Variants in NPIPB2 observed in about 807,000 individuals in gnomAD.
The protein encoded by NPIPB2 is nuclear pore complex-interacting protein family member B2.
In NPIPB2, 27 loss-of-function variants were observed where a neutral mutation model predicts 30.8. That is an observed-to-expected ratio of 0.88 (90% CI 0.65 to 1.21). The LOEUF is 1.21. Among genes scored for constraint, NPIPB2 ranks in the 50% most tolerant of loss-of-function variants. The pLI is 0.00. For missense variants in NPIPB2, 440 were observed against 446.2 expected (o/e 0.99, Z 0.13); for synonymous variants, 147 against 162.0 (o/e 0.91, Z 0.70).
At chr16:11,973,560 T>TA (rs2055248718) in intron 1 of NPIPB2, among the ~76,000 whole-genome samples, 1 of 152,164 alleles carries the variant, frequency 6.6e-6, no homozygotes, top group African/African-American at 2.4e-5. Context: ...GTTCAGCAGC[T>TA]TATAAATTAT....
chr16:11,959,896 C>G (rs1275398415), intron 1 of NPIPB2, among the ~76,000 whole-genome samples: 2 of 152,146 alleles, frequency 1.3e-5, no homozygotes, highest in Non-Finnish European at 2.9e-5. Flanking sequence ...CTGCCTCAGC[C>G]TCCTGAGCAG....
intron 1 of NPIPB2, among the ~76,000 whole-genome samples, chr16:11,956,671 G>T (rs949596138): frequency 7.2e-5 from 11 of 152,080 alleles, no homozygotes; most frequent in Admixed American, 1.3e-4. Flanking sequence ...GTGAGACTCT[G>T]TCTCAAAAGA....
At chr16:11,967,161 C>T (rs776086269) in intron 1 of NPIPB2, 4 of 199,326 alleles carry the variant, frequency 2.0e-5, no homozygotes, top group South Asian at 6.9e-5. Flanking sequence ...CCATCACCTC[C>T]GACTAATTTT....
chr16:11,942,759 G>A (rs991830843), upstream of NPIPB2, among the ~76,000 whole-genome samples: 2 of 151,244 alleles, frequency 1.3e-5, no homozygotes, highest in African/African-American at 4.9e-5. Flanking sequence ...GGACCCAGGG[G>A]CCTGGTGACC....
chr16:11,945,899 G>A (rs1487348631), upstream of NPIPB2, among the ~76,000 whole-genome samples: 1 of 151,368 alleles, frequency 6.6e-6, no homozygotes, highest in Non-Finnish European at 1.5e-5. Flanking sequence ...TTCTTTCTCT[G>A]TCTCTCTCAC....
chr16:11,971,367 C>A (rs1211297514), intron 1 of NPIPB2, among the ~76,000 whole-genome samples: 2 of 132,614 alleles, frequency 1.5e-5, no homozygotes, highest in Non-Finnish European at 3.1e-5. Context: ...AGACAAAAAG[C>A]ATCAGTCAAT....
chr16:11,960,351 C>CT (rs1184556393), intron 1 of NPIPB2, among the ~76,000 whole-genome samples: 2 of 139,016 alleles, frequency 1.4e-5, no homozygotes, highest in Non-Finnish European at 3.1e-5. Context: ...AGGTATGGTT[C>CT]CCTTTTTTTT....
At chr16:11,972,756 T>G (rs540808746) in intron 1 of NPIPB2, among the ~76,000 whole-genome samples, 1 of 150,074 alleles carries the variant, frequency 6.7e-6, no homozygotes, top group South Asian at 2.1e-4. Flanking sequence ...CCCAGCTACT[T>G]GGGAGGCTGA....
chr16:11,960,357 T>A (rs947787540), intron 1 of NPIPB2, among the ~76,000 whole-genome samples: 1 of 148,302 alleles, frequency 6.7e-6, no homozygotes, highest in Non-Finnish European at 1.5e-5. Context: ...GGTTCCCTTT[T>A]TTTTTTTTTT....
intron 1 of NPIPB2, among the ~76,000 whole-genome samples, chr16:11,973,627 G>C (rs2055249154): frequency 6.6e-6 from 1 of 152,112 alleles, no homozygotes; most frequent in Non-Finnish European, 1.5e-5. Flanking sequence ...GAGTGCAGTG[G>C]TGCCATCTCG....
At chr16:11,971,095 G>T (rs1468772055) in intron 1 of NPIPB2, among the ~76,000 whole-genome samples, 1 of 150,416 alleles carries the variant, frequency 6.6e-6, no homozygotes, top group Non-Finnish European at 1.5e-5. Context: ...GGGCTCAAGC[G>T]ATCCTCCGAC....
At chr16:11,938,979 C>T (rs2150915921) in intron 1 of NPIPB2, among the ~76,000 whole-genome samples, 1 of 152,220 alleles carries the variant, frequency 6.6e-6, no homozygotes, top group Non-Finnish European at 1.5e-5. Flanking sequence ...AACTCCTGAC[C>T]TCGTGATCCA....
chr16:11,945,718 C>T (rs2055000644), upstream of NPIPB2, among the ~76,000 whole-genome samples: 1 of 151,672 alleles, frequency 6.6e-6, no homozygotes, highest in South Asian at 2.1e-4. Flanking sequence ...TGGAGTCATG[C>T]TGAGCATAGG....
At chr16:11,973,958 T>C (rs778687281) in intron 1 of NPIPB2, among the ~76,000 whole-genome samples, 1 of 152,194 alleles carries the variant, frequency 6.6e-6, no homozygotes, top group Non-Finnish European at 1.5e-5. Context: ...TCTTTGGAAT[T>C]TGAATGATTC....
At chr16:11,956,727 C>G (rs1356154132) in intron 1 of NPIPB2, among the ~76,000 whole-genome samples, 3 of 152,224 alleles carry the variant, frequency 2.0e-5, no homozygotes, top group Non-Finnish European at 2.9e-5. Flanking sequence ...CCAGGAGGAA[C>G]ACTGACTGAG....
rs186669796 is a variant in NPIPB2 at position 11,952,796 on chromosome 16, C to G, written c.-583-10682G>C. Among the ~76,000 whole-genome samples the G allele has an allele frequency of 1.7e-3, 255 of 152,114 alleles. 2 individuals carry two copies. The highest frequency in any genetic ancestry group is 4.1e-3 in the Admixed American group (62 of 15,252). The stretch of plus-strand genomic sequence containing the variant: ...GGCCAGGCTGGTCTCGAATGCCTGA[C>G]CTCAGGTAATCCACCCGCCTCGGCC... On this transcript the variant is annotated intron_variant, in intron 1 of 5. Transcript: ENST00000538896.
chr16:11,933,428 T>A, intron 4 of NPIPB2, 89 bp downstream of exon 4: 3 of 1,566,936 alleles, frequency 1.9e-6, no homozygotes, highest in Non-Finnish European at 2.6e-6. Flanking sequence ...CCACAAATAT[T>A]GTAGAAAATA....
At chr16:11,950,191 C>T (rs3850998) in intron 1 of NPIPB2, among the ~76,000 whole-genome samples, 2,704 of 152,118 alleles carry the variant, frequency 0.018, 75 homozygotes, top group African/African-American at 0.061. Context: ...TGCCACCACC[C>T]CTGGCTAATT....
intron 2 of NPIPB2, among the ~76,000 whole-genome samples, chr16:11,936,334 G>A (rs1465659737): frequency 6.6e-6 from 1 of 151,706 alleles, no homozygotes; most frequent in Admixed American, 6.6e-5. Context: ...AAAGAAAAAA[G>A]CTTCCTCCAA....
Sources: gnomAD v4.1 joint callset for allele counts (sites outside exome capture counted in the v4.1 genomes callset) on GRCh38, gnomAD v4.1.1 for gene constraint, MANE v1.5 for transcripts, NCBI Gene and HGNC (gene_info 2026-07-23, HGNC 2026-07-21) for gene names.